Variants in PCDHA13 observed in about 807,000 individuals in gnomAD.
PCDHA13 encodes protocadherin alpha 13.
A neutral mutation model predicts 64.8 loss-of-function variants in PCDHA13; 54 were observed. That is an observed-to-expected ratio of 0.83 (90% CI 0.67 to 1.04). The LOEUF is 1.04. Among genes scored for constraint, PCDHA13 ranks in the 50% least tolerant of loss-of-function variants. The pLI is 0.00. For missense variants in PCDHA13, 1,248 were observed against 1,254.3 expected (o/e 0.99, Z 0.08); for synonymous variants, 587 against 564.4 (o/e 1.04, Z -0.57).
At chr5:140,975,326 G>A (rs901942738) in intron 1 of PCDHA13, among the ~76,000 whole-genome samples, 2 of 152,216 alleles carry the variant, frequency 1.3e-5, no homozygotes, top group Non-Finnish European at 2.9e-5. Flanking sequence ...GTCCCATCCA[G>A]ATGATCTCCC....
At chr5:141,005,529 C>A (rs1387576846) in intron 3 of PCDHA13, among the ~76,000 whole-genome samples, 2 of 151,154 alleles carry the variant, frequency 1.3e-5, no homozygotes, top group Non-Finnish European at 2.9e-5. Context: ...CGGTGAAACC[C>A]CGTCTCTACT....
chr5:140,939,812 A>T (rs1277082652), intron 1 of PCDHA13, among the ~76,000 whole-genome samples: 4 of 152,196 alleles, frequency 2.6e-5, no homozygotes, highest in Non-Finnish European at 2.9e-5. Flanking sequence ...ATGTTCAAGA[A>T]AAAGCAGTAT....
chr5:140,973,755 G>A (rs1442337323), intron 1 of PCDHA13, among the ~76,000 whole-genome samples: 1 of 152,234 alleles, frequency 6.6e-6, no homozygotes, highest in Admixed American at 6.5e-5. Flanking sequence ...ACTCTGCAGG[G>A]ACACAGCCTG....
intron 1 of PCDHA13, chr5:140,926,327 A>AGAGCGCCGGGACCC (rs1363803647): frequency 6.6e-6 from 1 of 152,258 alleles, no homozygotes; most frequent in African/African-American, 2.4e-5. Context: ...CGCCGGGGTC[A>AGAGCGCCGGGACCC]GAGCGCCGGG....
At chr5:140,948,849 C>A (rs2094312653) in intron 1 of PCDHA13, among the ~76,000 whole-genome samples, 1 of 151,046 alleles carries the variant, frequency 6.6e-6, no homozygotes, top group Admixed American at 6.6e-5. Flanking sequence ...GTATTATTTG[C>A]CTTCTTATAT....
intron 3 of PCDHA13, among the ~76,000 whole-genome samples, chr5:140,995,316 A>G (rs2097676169): frequency 1.3e-5 from 2 of 152,222 alleles, no homozygotes; most frequent in South Asian, 4.1e-4. Context: ...TTCTAAGTGA[A>G]CTAACAGGTG....
At chr5:140,939,965 C>T (rs565275285) in intron 1 of PCDHA13, among the ~76,000 whole-genome samples, 1 of 152,100 alleles carries the variant, frequency 6.6e-6, no homozygotes, top group African/African-American at 2.4e-5. Context: ...TAAAGTGTTC[C>T]ACGATGAATA....
Position 140,883,151 on chromosome 5 carries a change from A to G in PCDHA13, c.883A>G (p.Ile295Val), listed in dbSNP as rs1317370821. Residue 295 changes from isoleucine to valine, a missense_variant, in exon 1 of 4, where the codon ATA becomes GTA. Transcript: ENST00000289272. ...VWPAVVYAFT[I>V]NPNNGEIRTK... ...GCCTGCAGTGGTATATGCATTTACC[A>G]TAAATCCGAACAATGGAGAAATTAG... The G allele has an allele frequency of 6.2e-7, 1 of 1,613,978 alleles. No individual in the cohort carries two copies. The highest frequency in any genetic ancestry group is 8.5e-7 in the Non-Finnish European group (1 of 1,180,046).
At chr5:140,967,086 G>C in intron 1 of PCDHA13, 3 of 1,613,210 alleles carry the variant, frequency 1.9e-6, no homozygotes, top group Non-Finnish European at 2.5e-6. Context: ...CGCATTGATC[G>C]GGAGGCGCTG....
intron 3 of PCDHA13, among the ~76,000 whole-genome samples, chr5:140,997,797 C>T (rs2097786104): frequency 6.6e-6 from 1 of 151,944 alleles, no homozygotes; most frequent in Non-Finnish European, 1.5e-5. Context: ...TATAATTTAT[C>T]CAATTTGCTG....
intron 1 of PCDHA13, among the ~76,000 whole-genome samples, chr5:140,938,877 ACACACACACACACAGATGCG>A (rs1350432569): frequency 6.6e-6 from 1 of 150,854 alleles, no homozygotes; most frequent in Non-Finnish European, 1.5e-5. Flanking sequence ...TTAAGAAGCA[ACACACACACACACAGATGCG>A]CACACACACA....
At position 140,884,493 on chromosome 5, in the gene PCDHA13, C is replaced by G. The variant is rs782633321; in HGVS notation, c.2225C>G (p.Ser742Cys). Residue 742 changes from serine to cysteine, a missense_variant, in exon 1 of 4, where the codon TCC (serine) becomes TGC (cysteine). By Grantham distance (112) the Ser-to-Cys change is moderately radical (BLOSUM62 -1). Transcript: ENST00000289272. ...CCGGGCAAGCCCACTCTAGTGTGCT[C>G]CAGCGCGGCAGGGAGTTGGTCGTAC... is the stretch of plus-strand genomic sequence containing the variant. ...CAPGKPTLVC[S>C]SAAGSWSYSQ... 2.5e-6 allele frequency: 4 copies of G among 1,613,920 alleles called. No homozygotes were observed. Among genetic ancestry groups the G allele is most frequent in the South Asian group, 1.1e-5 (1 of 91,078 alleles).
chr5:140,965,401 A>C (rs546046699), intron 1 of PCDHA13, among the ~76,000 whole-genome samples: 1 of 152,166 alleles, frequency 6.6e-6, no homozygotes, highest in Non-Finnish European at 1.5e-5. Flanking sequence ...AAGTCTAAGG[A>C]GTCTTATATT....
chr5:140,921,634 T>C (rs1324251436), intron 1 of PCDHA13, among the ~76,000 whole-genome samples: 1 of 152,220 alleles, frequency 6.6e-6, no homozygotes, highest in Non-Finnish European at 1.5e-5. Context: ...ATCATTATGG[T>C]AGCTATTTTA....
At chr5:140,890,066 C>G (rs1217511895) in intron 1 of PCDHA13, among the ~76,000 whole-genome samples, 1 of 152,148 alleles carries the variant, frequency 6.6e-6, no homozygotes, top group Non-Finnish European at 1.5e-5. Context: ...CTTTTACTGG[C>G]TTATGAGAAC....
intron 3 of PCDHA13, among the ~76,000 whole-genome samples, chr5:141,006,464 C>T (rs1243356826): frequency 5.9e-5 from 9 of 152,100 alleles, no homozygotes; most frequent in African/African-American, 1.7e-4. Context: ...CTGCCTGTCT[C>T]GGCCTCCCAA....
At chr5:140,888,147 A>G (rs1182114974) in intron 1 of PCDHA13, among the ~76,000 whole-genome samples, 1 of 152,064 alleles carries the variant, frequency 6.6e-6, no homozygotes, top group African/African-American at 2.4e-5. Flanking sequence ...GCTGTTTTGC[A>G]TGACTGGTAA....
At chr5:140,927,754 C>T (rs1554205003) in intron 1 of PCDHA13, 1 of 1,614,030 alleles carries the variant, frequency 6.2e-7, no homozygotes, top group African/African-American at 1.3e-5. Flanking sequence ...TCACGTGCAC[C>T]CTAAAAGTGG....
At chr5:140,971,892 G>T in intron 1 of PCDHA13, among the ~76,000 whole-genome samples, 1 of 151,812 alleles carries the variant, frequency 6.6e-6, no homozygotes, top group African/African-American at 2.4e-5. Context: ...AGCTCAGGGA[G>T]GTTAGGTAAT....
Sources: gnomAD v4.1 joint callset for allele counts (sites outside exome capture counted in the v4.1 genomes callset) on GRCh38, gnomAD v4.1.1 for gene constraint, MANE v1.5 for transcripts, NCBI Gene and HGNC (gene_info 2026-07-23, HGNC 2026-07-21) for gene names.